Variants in NR5A2 observed in about 807,000 individuals in gnomAD.
NR5A2 encodes the protein CYP7A promoter-binding factor.
NR5A2 carries 26 observed loss-of-function variants against 62.7 expected under a neutral mutation model. The observed-to-expected ratio is 0.41, with a 90% CI of 0.30 to 0.58. The LOEUF is 0.58. NR5A2 is among the 20% of genes least tolerant of loss of function. The probability of loss-of-function intolerance (pLI) is 0.22; values close to 1 mark genes in which losing one functional copy is unlikely to be tolerated. For synonymous variants in NR5A2, 246 were observed against 241.7 expected (o/e 1.02, Z -0.16); for missense variants, 541 against 669.1 (o/e 0.81, Z 2.11).
chr1:200,046,200 A>G (rs1662355318), intron 4 of NR5A2, among the ~76,000 whole-genome samples: 1 of 152,196 alleles, frequency 6.6e-6, no homozygotes, highest in Non-Finnish European at 1.5e-5. Flanking sequence ...GAACTATTAA[A>G]TCATTAGCAA....
chr1:200,064,311 C>T (rs1663371825), intron 5 of NR5A2, among the ~76,000 whole-genome samples: 1 of 152,152 alleles, frequency 6.6e-6, no homozygotes, highest in Non-Finnish European at 1.5e-5. Context: ...TATGACAGCA[C>T]ACTAATAACC....
chr1:200,101,537 T>A (rs1001126333), intron 5 of NR5A2, among the ~76,000 whole-genome samples: 3 of 152,168 alleles, frequency 2.0e-5, no homozygotes, highest in African/African-American at 7.2e-5. Flanking sequence ...AAGGGAAGTA[T>A]GGGAAAGCTA....
chr1:200,063,794 C>T (rs1375707578), intron 5 of NR5A2, among the ~76,000 whole-genome samples: 1 of 152,142 alleles, frequency 6.6e-6, no homozygotes, highest in Non-Finnish European at 1.5e-5. Flanking sequence ...TTCACATATT[C>T]ATTTATTCAC....
intron 1 of NR5A2, among the ~76,000 whole-genome samples, chr1:200,030,596 C>G (rs1418985591): frequency 6.6e-6 from 1 of 152,098 alleles, no homozygotes; most frequent in Non-Finnish European, 1.5e-5. Context: ...GCAGTACTAA[C>G]TTTAGAAGCT....
At chr1:200,099,103 A>G (rs1665244837) in intron 5 of NR5A2, among the ~76,000 whole-genome samples, 1 of 152,180 alleles carries the variant, frequency 6.6e-6, no homozygotes, top group African/African-American at 2.4e-5. Context: ...TGAAGGGACA[A>G]GTCCTCTACT....
At chr1:200,051,674 A>G (rs1662641355) in intron 5 of NR5A2, among the ~76,000 whole-genome samples, 1 of 151,874 alleles carries the variant, frequency 6.6e-6, no homozygotes, top group African/African-American at 2.4e-5. Context: ...TTTTTGGTGA[A>G]CAAAGAGTAG....
At chr1:200,032,935 C>T (rs1661599331) in intron 1 of NR5A2, among the ~76,000 whole-genome samples, 1 of 152,210 alleles carries the variant, frequency 6.6e-6, no homozygotes, top group South Asian at 2.1e-4. Flanking sequence ...AGACTTTCCT[C>T]CAATGGACAT....
chr1:200,172,840 G>C (rs1654242531), intron 7 of NR5A2, among the ~76,000 whole-genome samples: 1 of 152,110 alleles, frequency 6.6e-6, no homozygotes, highest in Non-Finnish European at 1.5e-5. Context: ...GTACTGTGTG[G>C]TTTTCTCCAT....
intron 7 of NR5A2, among the ~76,000 whole-genome samples, chr1:200,172,730 C>T (rs978989734): frequency 1.3e-5 from 2 of 152,180 alleles, no homozygotes; most frequent in Admixed American, 1.3e-4. Flanking sequence ...GACATGTACA[C>T]ATATGTAGGT....
intron 2 of NR5A2, 91 bp from the exon 3 acceptor site, chr1:200,043,683 C>A (rs1482424870): frequency 2.5e-5 from 18 of 717,216 alleles, no homozygotes; most frequent in Non-Finnish European, 3.7e-5. Flanking sequence ...GTGATATTTG[C>A]CCAGCAATCA....
chr1:200,155,763 T>G (rs995906916), intron 7 of NR5A2, among the ~76,000 whole-genome samples: 1 of 151,988 alleles, frequency 6.6e-6, no homozygotes, highest in African/African-American at 2.4e-5. Context: ...AACCTCCACC[T>G]TTTGGGTTCA....
chr1:200,048,552 G>A lies in NR5A2; in HGVS notation c.844G>A (p.Glu282Lys), dbSNP rs201990828. The change falls in exon 5 of 8, where the codon GAG (glutamate) becomes AAG (lysine). Residue 282 changes from glutamate (E) to lysine (K), a missense_variant. Glu to Lys is a moderately conservative substitution (Grantham distance 56). Transcript: ENST00000367362. This position sits in a 1 kb window ranked among gnomAD's most constrained non-coding sequence, Gnocchi z 4.8. ...CCCAGACCCCTATACCAGCTCACCC[G>A]AGTCCATAATGGGCTATTCATATAT... ...EYPDPYTSSP[E>K]SIMGYSYMDS... 1.1e-5 allele frequency: 18 copies of A among 1,614,106 alleles called. No homozygotes were observed. Among genetic ancestry groups the A allele is most frequent in the Non-Finnish European group, 1.4e-5 (17 of 1,180,024 alleles).
At chr1:200,136,947 T>C (rs916333529) in intron 7 of NR5A2, among the ~76,000 whole-genome samples, 1 of 152,058 alleles carries the variant, frequency 6.6e-6, no homozygotes, top group Non-Finnish European at 1.5e-5. Flanking sequence ...TATGCTGGCC[T>C]ACTTACTCTA....
At position 200,110,828 on chromosome 1, in the gene NR5A2, G is replaced by A. The variant is rs142828936; in HGVS notation, c.1111-374G>A. Among the ~76,000 whole-genome samples, 366 of 152,206 alleles carry A rather than the reference G, an allele frequency of 2.4e-3. 1 individual carries two copies. Among genetic ancestry groups the A allele is most frequent in the African/African-American group, 8.3e-3 (343 of 41,536 alleles). On this transcript the variant is annotated intron_variant, in intron 5 of 7. Transcript: ENST00000367362. ...ACTGTATTCACTTTTAGATACATAA[G>A]CATAGGCAATCTGGGGTCATTCTAA...
chr1:200,164,072 C>T (rs893208933), intron 7 of NR5A2, among the ~76,000 whole-genome samples: 2 of 151,982 alleles, frequency 1.3e-5, no homozygotes, highest in African/African-American at 4.8e-5. Context: ...TGTATCACCT[C>T]CCTACACATA....
At chr1:200,086,069 T>C (rs1664513512) in intron 5 of NR5A2, among the ~76,000 whole-genome samples, 1 of 152,110 alleles carries the variant, frequency 6.6e-6, no homozygotes, top group South Asian at 2.1e-4. Flanking sequence ...TTTTTACTCG[T>C]GAGTCGTTTG....
At chr1:200,087,682 A>G (rs1368480030) in intron 5 of NR5A2, among the ~76,000 whole-genome samples, 1 of 151,958 alleles carries the variant, frequency 6.6e-6, no homozygotes, top group African/African-American at 2.4e-5. Context: ...GGAGTGAGCC[A>G]CCGCGCCCGG....
At chr1:200,130,278 G>GGAAGAAGAAGAAGAAGAAGAAGAA (rs66507419) in intron 7 of NR5A2, among the ~76,000 whole-genome samples, 1 of 106,438 alleles carries the variant, frequency 9.4e-6, no homozygotes, top group Non-Finnish European at 2.3e-5. Flanking sequence ...GAACTAACTA[G>GGAAGAAGAAGAAGAAGAAGAAGAA]GAAGAAGAAG....
At chr1:200,163,299 A>G (rs1194373127) in intron 7 of NR5A2, among the ~76,000 whole-genome samples, 4 of 151,454 alleles carry the variant, frequency 2.6e-5, no homozygotes, top group Admixed American at 1.3e-4. Flanking sequence ...AAGAAAAGAA[A>G]AAAAGAAAAA....
Sources: allele counts gnomAD v4.1 joint callset (sites outside exome capture counted in the v4.1 genomes callset), GRCh38; gene constraint gnomAD v4.1.1; non-coding constraint Gnocchi (gnomAD v3.1); transcripts MANE v1.5; gene names NCBI Gene and HGNC (gene_info 2026-07-23, HGNC 2026-07-21).